The following EYA1 variants were observed in gnomAD, a reference collection of about 807,000 sequenced individuals.
The protein encoded by EYA1 is protein phosphatase EYA1.
Under a neutral mutation model 82.0 loss-of-function variants are expected in EYA1, and 16 were observed. The ratio of observed to expected loss-of-function variants is 0.20; its 90% CI spans 0.13 to 0.30. The LOEUF is 0.30. Among genes scored for constraint, EYA1 ranks in the 10% least tolerant of loss-of-function variants. EYA1 has a pLI of 1.00. For missense variants in EYA1, 633 were observed against 730.7 expected (o/e 0.87, Z 1.54); for synonymous variants, 261 against 264.4 (o/e 0.99, Z 0.12).
At chr8:71,483,601 C>G (rs1342185107) in intron 2 of EYA1, among the ~76,000 whole-genome samples, 2 of 150,246 alleles carry the variant, frequency 1.3e-5, no homozygotes, top group Non-Finnish European at 3.0e-5. Flanking sequence ...TCTGGGGAAG[C>G]TGGAAAAAAA....
intron 1 of EYA1, 97 bp downstream of exon 1, chr8:71,361,550 A>C (rs1827377017): frequency 1.8e-6 from 1 of 565,978 alleles, no homozygotes; most frequent in African/African-American, 2.0e-5. Context: ...AAAACAAATC[A>C]AAACAATAAT....
chr8:71,402,727 T>C lies in EYA1; in HGVS notation c.34-46216A>G, dbSNP rs578002243. Among the ~76,000 whole-genome samples, 196 of 152,222 alleles carry C rather than the reference T, an allele frequency of 1.3e-3. 1 individual carries two copies. Among genetic ancestry groups the C allele is most frequent in the Non-Finnish European group, 1.9e-3 (129 of 68,004 alleles). On this transcript the variant is annotated intron_variant, in intron 2 of 18. Coordinates refer to the EYA1 transcript ENST00000643681. ...ACAAGTTATTATAAGATTATGCTAATTAAAATGGTATGCTTTTGGCATAGG... is the reference window on the plus strand; with the variant it reads ...ACAAGTTATTATAAGATTATGCTAACTAAAATGGTATGCTTTTGGCATAGG...
At chr8:71,426,407 T>A (rs1427521699) in intron 2 of EYA1, among the ~76,000 whole-genome samples, 2 of 152,234 alleles carry the variant, frequency 1.3e-5, no homozygotes, top group Non-Finnish European at 2.9e-5. Flanking sequence ...TTGCCAAAGA[T>A]TCTTGCCAAG....
At chr8:71,239,996 G>T (rs1395576508) in intron 12 of EYA1, among the ~76,000 whole-genome samples, 1 of 152,076 alleles carries the variant, frequency 6.6e-6, no homozygotes, top group African/African-American at 2.4e-5. Context: ...TTTACAGAAA[G>T]AATTTTTTCC....
chr8:71,438,108 T>C (rs13278773), intron 2 of EYA1, among the ~76,000 whole-genome samples: 111,629 of 151,984 alleles, frequency 0.73, 42,395 homozygotes, highest in African/African-American at 0.86. Flanking sequence ...CAAATCTCCA[T>C]GGACTTATAC....
chr8:71,349,576 A>ACACT (rs1232892564), intron 3 of EYA1, among the ~76,000 whole-genome samples: 6 of 152,200 alleles, frequency 3.9e-5, no homozygotes, highest in Admixed American at 1.3e-4. Context: ...AATGGGAATC[A>ACACT]CACTGTAGAA....
chr8:71,369,811 T>C (rs1041611806), intron 2 of EYA1, among the ~76,000 whole-genome samples: 1 of 152,204 alleles, frequency 6.6e-6, no homozygotes, highest in African/African-American at 2.4e-5. Flanking sequence ...TTTTCTTTTT[T>C]CTTACAGATT....
intron 2 of EYA1, among the ~76,000 whole-genome samples, chr8:71,387,038 A>G (rs2129105979): frequency 6.6e-6 from 1 of 152,290 alleles, no homozygotes; most frequent in Middle Eastern, 3.4e-3. Context: ...CACGCTGATA[A>G]TACAGGTGAA....
chr8:71,369,032 C>CAAAAAAA (rs60647486), intron 2 of EYA1, among the ~76,000 whole-genome samples: 55 of 112,832 alleles, frequency 4.9e-4, no homozygotes, highest in Non-Finnish European at 6.3e-4. Flanking sequence ...ACTAAAAATA[C>CAAAAAAA]AAAAAAAAAA....
At chr8:71,516,891 T>G (rs1160668869) in intron 2 of EYA1, among the ~76,000 whole-genome samples, 1 of 152,116 alleles carries the variant, frequency 6.6e-6, no homozygotes, top group Non-Finnish European at 1.5e-5. Context: ...CTCCTTTACT[T>G]GTCAATACAA....
In EYA1 at chr8:71,216,742, C is replaced by T. The variant is rs750164019; in HGVS notation, c.1310G>A (p.Arg437His). 9.9e-6 allele frequency: 16 copies of T among 1,612,074 alleles called. No homozygotes were observed. The highest frequency in any genetic ancestry group is 5.0e-5 in the Admixed American group (3 of 59,804). ...GVDWMRKLAF[R>H]YRRVKEIYNT... Reference sequence around the variant, plus strand: ...GTAGATCTCTTTTACCCGTCTGTAGCGGAAGGCCAACTTTCTCATCCAGTC... The same window carrying T: ...GTAGATCTCTTTTACCCGTCTGTAGTGGAAGGCCAACTTTCTCATCCAGTC... Residue 437 changes from arginine to histidine, a missense_variant, in exon 14 of 18, where the codon CGC becomes CAC. By Grantham distance (29) the Arg-to-His change is conservative (BLOSUM62 0). Coordinates refer to ENST00000340726, the MANE Select transcript of EYA1 (RefSeq NM_000503.6).
chr8:71,337,620 A>G (rs551189859), intron 3 of EYA1, among the ~76,000 whole-genome samples: 41 of 152,334 alleles, frequency 2.7e-4, no homozygotes, highest in African/African-American at 9.4e-4. Flanking sequence ...AATCTCCTTG[A>G]TCTTAATTAT....
rs1192216185 is a variant in EYA1 at position 71,334,405 on chromosome 8, C to T, written c.125-231G>A. On this transcript the variant is annotated intron_variant, in intron 3 of 17. Transcript: ENST00000340726. ...CACAAGTTACCCTTTAAAAGCAGCA[C>T]TGTAAAAGTAATTAAATTCATCATT... The T allele has an allele frequency of 7.1e-6, 4 of 564,334 alleles. No homozygotes were observed. In the East Asian group the frequency reaches 1.3e-4, roughly 18 times the overall value. 35.0% of individuals were successfully genotyped at this position (564,334 alleles called of 1,614,324 possible). A position where few individuals can be genotyped will look rare whatever the true frequency, so the allele number is the denominator to read the frequency against.
intron 1 of EYA1, among the ~76,000 whole-genome samples, chr8:71,360,803 GAAAT>G (rs1827305060): frequency 1.3e-5 from 2 of 152,084 alleles, no homozygotes; most frequent in Non-Finnish European, 1.5e-5. Context: ...GCCATTTTAA[GAAAT>G]AAAACAAAAA....
intron 2 of EYA1, among the ~76,000 whole-genome samples, chr8:71,512,485 A>T (rs1812677827): frequency 6.6e-6 from 1 of 152,112 alleles, no homozygotes. Context: ...ACAGGAGAAA[A>T]AAACTAAAAC....
chr8:71,393,975 T>C (rs1334145873), intron 2 of EYA1, among the ~76,000 whole-genome samples: 1 of 152,226 alleles, frequency 6.6e-6, no homozygotes, highest in Non-Finnish European at 1.5e-5. Context: ...TTTTTAATGA[T>C]TGCCATTCTA....
At position 71,354,916 on chromosome 8, in the gene EYA1, A is replaced by G; in HGVS notation, c.-4-7T>C. ...ATCCTGCATTTCCATAGACCTAAAG[A>G]CAAGAAGCCTTCCATTTGACAGATG... On this transcript the variant is annotated splice_region_variant and splice_polypyrimidine_tract_variant and intron_variant, in intron 2 of 17. Transcript: ENST00000340726. 1.9e-6 allele frequency: 3 copies of G among 1,612,652 alleles called. No homozygotes were observed. Among genetic ancestry groups the G allele is most frequent in the Non-Finnish European group, 2.5e-6 (3 of 1,179,048 alleles).
intron 2 of EYA1, among the ~76,000 whole-genome samples, chr8:71,435,838 T>C (rs1021803173): frequency 1.3e-5 from 2 of 152,102 alleles, no homozygotes; most frequent in Non-Finnish European, 2.9e-5. Flanking sequence ...TCAGATATAC[T>C]AAGAGTCTGA....
intron 7 of EYA1, among the ~76,000 whole-genome samples, chr8:71,307,275 T>C (rs999552605): frequency 2.0e-5 from 3 of 152,212 alleles, no homozygotes; most frequent in African/African-American, 7.2e-5. Flanking sequence ...AACTTTGATA[T>C]TTAACAGATT....
Sources: allele counts gnomAD v4.1 joint callset (sites outside exome capture counted in the v4.1 genomes callset), GRCh38; gene constraint gnomAD v4.1.1; transcripts MANE v1.5; gene names NCBI Gene and HGNC (gene_info 2026-07-23, HGNC 2026-07-21).